SLC24A2: variants seen among roughly 807,000 people sequenced by gnomAD.
SLC24A2 encodes solute carrier family 24 member 2, also known as sodium/potassium/calcium exchanger 2.
Under a neutral mutation model 62.0 loss-of-function variants are expected in SLC24A2, and 36 were observed. The ratio of observed to expected loss-of-function variants is 0.58; its 90% CI spans 0.44 to 0.77. The LOEUF (loss-of-function observed/expected upper bound fraction) is 0.77. SLC24A2 is among the 30% of genes least tolerant of loss of function. SLC24A2 has a pLI of 0.00. For synonymous variants in SLC24A2, 358 were observed against 294.0 expected (o/e 1.22, Z -2.23); for missense variants, 846 against 817.9 (o/e 1.03, Z -0.42).
the SLC24A2 span, among the ~76,000 whole-genome samples, chr9:20,197,286 T>C: frequency 1.3e-5 from 2 of 152,190 alleles, no homozygotes; most frequent in South Asian, 4.1e-4. Context: ...TCAATGTATA[T>C]TCTCACAATA....
At chr9:19,894,178 C>A in the SLC24A2 span, among the ~76,000 whole-genome samples, 7 of 152,180 alleles carry the variant, frequency 4.6e-5, no homozygotes, top group Non-Finnish European at 1.0e-4. Flanking sequence ...GATGTGGACT[C>A]AGGGCTATGT....
chr9:19,768,795 G>T (rs781326862), intron 2 of SLC24A2, among the ~76,000 whole-genome samples: 7 of 152,174 alleles, frequency 4.6e-5, no homozygotes, highest in Non-Finnish European at 1.0e-4. Context: ...AGGGACTACT[G>T]TGCTTTCTTC....
At chr9:19,575,163 A>T (rs1260566549) in intron 6 of SLC24A2, among the ~76,000 whole-genome samples, 3 of 152,162 alleles carry the variant, frequency 2.0e-5, no homozygotes, top group Non-Finnish European at 4.4e-5. Context: ...AACCATAGAA[A>T]CTCAAATTTA....
At chr9:19,980,406 C>T in the SLC24A2 span, among the ~76,000 whole-genome samples, 14 of 152,106 alleles carry the variant, frequency 9.2e-5, no homozygotes, top group Non-Finnish European at 1.5e-5. Context: ...ACAGCAGCAG[C>T]TCAAAATGGT....
the SLC24A2 span, among the ~76,000 whole-genome samples, chr9:20,273,931 C>T: frequency 1.3e-5 from 2 of 152,114 alleles, no homozygotes; most frequent in African/African-American, 4.8e-5. Context: ...TTCTGTTAGG[C>T]TTTTCTCTTG....
At chr9:19,877,041 A>G in the SLC24A2 span, among the ~76,000 whole-genome samples, 1 of 151,940 alleles carries the variant, frequency 6.6e-6, no homozygotes, top group Non-Finnish European at 1.5e-5. Context: ...ATTTCTCTCT[A>G]TATTAATATG....
the SLC24A2 span, among the ~76,000 whole-genome samples, chr9:19,972,811 A>G: frequency 2.6e-5 from 4 of 151,948 alleles, no homozygotes; most frequent in Non-Finnish European, 1.5e-5. Flanking sequence ...ATTGAGGCTC[A>G]GAGAAAGTGA....
intron 2 of SLC24A2, among the ~76,000 whole-genome samples, chr9:19,703,617 A>T (rs958418299): frequency 3.3e-5 from 5 of 152,146 alleles, no homozygotes; most frequent in Admixed American, 6.5e-5. Flanking sequence ...GGAAGAAGCA[A>T]GATTAAAACT....
the SLC24A2 span, among the ~76,000 whole-genome samples, chr9:19,970,162 C>T: frequency 2.4e-3 from 366 of 152,258 alleles, 5 homozygotes; most frequent in Admixed American, 0.017. Flanking sequence ...CAGATATGAC[C>T]AGGTAGCTCC....
the SLC24A2 span, among the ~76,000 whole-genome samples, chr9:20,040,983 T>C: frequency 3.3e-5 from 5 of 152,224 alleles, no homozygotes; most frequent in Non-Finnish European, 7.3e-5. Flanking sequence ...CCTAACGTAA[T>C]GCTTTTATTC....
At chr9:19,659,917 A>T (rs1447183805) in intron 2 of SLC24A2, among the ~76,000 whole-genome samples, 1 of 152,178 alleles carries the variant, frequency 6.6e-6, no homozygotes, top group Non-Finnish European at 1.5e-5. Context: ...CTCTATTACC[A>T]TCAAAGCCTA....
the SLC24A2 span, among the ~76,000 whole-genome samples, chr9:19,983,772 T>C: frequency 1.2e-4 from 19 of 152,256 alleles, no homozygotes; most frequent in East Asian, 3.5e-3. Flanking sequence ...GAATCTAGAA[T>C]ATAAAAATGA....
intron 4 of SLC24A2, among the ~76,000 whole-genome samples, chr9:19,615,374 T>TTCTTTGTTGTTAG (rs1255969062): frequency 6.6e-6 from 1 of 152,268 alleles, no homozygotes; most frequent in East Asian, 1.9e-4. Context: ...CTTGGTGATG[T>TTCTTTGTTGTTAG]AACTAGCATG....
At chr9:19,918,393 C>CCA in the SLC24A2 span, among the ~76,000 whole-genome samples, 2 of 137,640 alleles carry the variant, frequency 1.5e-5, no homozygotes, top group South Asian at 2.3e-4. Context: ...CTGCCTTTAT[C>CCA]AAAAAAAAAA....
intron 2 of SLC24A2, among the ~76,000 whole-genome samples, chr9:19,763,872 G>A (rs1289554809): frequency 7.2e-5 from 11 of 152,184 alleles, no homozygotes; most frequent in African/African-American, 2.7e-4. Flanking sequence ...GTTTGGAATA[G>A]TTTCAGAAGG....
chr9:19,513,188 A>G lies in SLC24A2; in HGVS notation c.*2965T>C, dbSNP rs941285344. 26 of 140,422 alleles carry G rather than the reference A, an allele frequency of 1.9e-4. No individual in the cohort carries two copies. The highest frequency in any genetic ancestry group is 4.6e-4 in the African/African-American group (17 of 37,212). The allele number at this position is 140,422 out of a possible 1,614,324, so 8.7% of individuals were successfully genotyped here. On this transcript the variant is annotated 3_prime_UTR_variant, in exon 11 of 11. Transcript: ENST00000341998. Reference sequence around the variant, plus strand: ...TATATATATATATGTATATATATATATATGTATATATTTATATATGTATAT... The same window carrying G: ...TATATATATATATGTATATATATATGTATGTATATATTTATATATGTATAT...
intron 2 of SLC24A2, among the ~76,000 whole-genome samples, chr9:19,743,874 G>A (rs1821752889): frequency 6.6e-6 from 1 of 152,122 alleles, no homozygotes; most frequent in Non-Finnish European, 1.5e-5. Context: ...TTTGGTGGGG[G>A]TGCAGGTAAG....
At chr9:19,631,361 A>G (rs887634895) in intron 2 of SLC24A2, among the ~76,000 whole-genome samples, 1 of 152,142 alleles carries the variant, frequency 6.6e-6, no homozygotes, top group African/African-American at 2.4e-5. Flanking sequence ...CCTCCCAGGT[A>G]TCTGGCATGT....
chr9:19,859,935 C>T, the SLC24A2 span, among the ~76,000 whole-genome samples: 2 of 152,316 alleles, frequency 1.3e-5, no homozygotes, highest in South Asian at 4.1e-4. Context: ...CTCATCCCAG[C>T]ATCAGAACTT....
Sources: gnomAD v4.1 joint callset for allele counts (sites outside exome capture counted in the v4.1 genomes callset) on GRCh38, gnomAD v4.1.1 for gene constraint, MANE v1.5 for transcripts, NCBI Gene and HGNC (gene_info 2026-07-23, HGNC 2026-07-21) for gene names.